Variants in GRM8 observed in about 807,000 individuals in gnomAD.
GRM8 encodes metabotropic glutamate receptor 8.
GRM8 carries 47 observed loss-of-function variants against 87.2 expected under a neutral mutation model. The ratio of observed to expected loss-of-function variants is 0.54; its 90% CI spans 0.43 to 0.69. GRM8 has a LOEUF of 0.69. Ranked by LOEUF, GRM8 falls within the 30% of genes least tolerant of loss-of-function variation. The pLI is 0.00. For synonymous variants in GRM8, 396 were observed against 404.5 expected (o/e 0.98, Z 0.25); for missense variants, 1,019 against 1,139.2 (o/e 0.89, Z 1.52).
intron 3 of GRM8, among the ~76,000 whole-genome samples, chr7:127,087,940 A>G (rs893289576): frequency 6.6e-5 from 10 of 152,362 alleles, no homozygotes; most frequent in African/African-American, 2.2e-4. Context: ...TCACAGTACA[A>G]ACAAGGCTTC....
intron 6 of GRM8, among the ~76,000 whole-genome samples, chr7:126,838,915 G>T (rs934277668): frequency 3.3e-5 from 5 of 152,136 alleles, no homozygotes; most frequent in Admixed American, 2.0e-4. Context: ...TGTACGCTTT[G>T]CCCATCGGGG....
At chr7:126,835,475 A>G (rs963086023) in intron 6 of GRM8, among the ~76,000 whole-genome samples, 1 of 152,240 alleles carries the variant, frequency 6.6e-6, no homozygotes, top group Non-Finnish European at 1.5e-5. Context: ...CTGTCAGCCA[A>G]GTTCCAAGTG....
chr7:126,891,899 T>C (rs1801049378), intron 6 of GRM8, among the ~76,000 whole-genome samples: 1 of 151,912 alleles, frequency 6.6e-6, no homozygotes, highest in Admixed American at 6.6e-5. Context: ...AATTTAATTC[T>C]TTCATTTAAT....
chr7:126,926,622 T>G (rs1325512034), intron 3 of GRM8, among the ~76,000 whole-genome samples: 1 of 152,212 alleles, frequency 6.6e-6, no homozygotes, highest in Non-Finnish European at 1.5e-5. Flanking sequence ...GTTATTTTCT[T>G]CCAGGACAAA....
At chr7:127,183,458 G>A (rs1794580590) in intron 2 of GRM8, among the ~76,000 whole-genome samples, 2 of 151,804 alleles carry the variant, frequency 1.3e-5, no homozygotes, top group Admixed American at 6.6e-5. Context: ...TGGAATCAAA[G>A]CGGAAGTCTC....
At chr7:126,967,957 T>C (rs979079519) in intron 3 of GRM8, among the ~76,000 whole-genome samples, 3 of 152,176 alleles carry the variant, frequency 2.0e-5, no homozygotes, top group Admixed American at 6.5e-5. Flanking sequence ...TGAGCACTAA[T>C]AATAAATCCC....
intron 2 of GRM8, among the ~76,000 whole-genome samples, chr7:127,187,589 C>CT (rs1286504053): frequency 6.6e-6 from 1 of 152,162 alleles, no homozygotes; most frequent in Non-Finnish European, 1.5e-5. Flanking sequence ...GCACTAACTC[C>CT]TTTGTCACAT....
At chr7:126,559,150 CTT>C (rs551929723) in intron 8 of GRM8, among the ~76,000 whole-genome samples, 34 of 121,954 alleles carry the variant, frequency 2.8e-4, no homozygotes, top group Middle Eastern at 4.8e-3. Flanking sequence ...TAATCTTTTG[CTT>C]TTTTTTTTTT....
chr7:126,816,502 G>GTTC (rs1793798104), intron 6 of GRM8, among the ~76,000 whole-genome samples: 1 of 152,080 alleles, frequency 6.6e-6, no homozygotes, highest in South Asian at 2.1e-4. Context: ...AAAATCACCA[G>GTTC]TTCTGATATT....
chr7:126,529,654 T>G (rs1169609664), intron 9 of GRM8, among the ~76,000 whole-genome samples: 3 of 152,162 alleles, frequency 2.0e-5, no homozygotes, highest in Non-Finnish European at 4.4e-5. Context: ...AGAGGCAGAG[T>G]GCTCATTGGA....
At position 126,713,238 on chromosome 7, in the gene GRM8, C is replaced by T. The variant is rs1405848664; in HGVS notation, c.1357+56627G>A. 5.3e-5 allele frequency among the ~76,000 whole-genome samples: 8 copies of T among 152,126 alleles called. No individual in the cohort carries two copies. The South Asian group carries it at 8.3e-4, about 16-fold the overall frequency. ...TAGACTACATAAAGAAAATGTGGCA[C>T]GTACACACCATGGAATACTATGCAG... On this transcript the variant is annotated intron_variant, in intron 7 of 10. Transcript: ENST00000339582.
At chr7:127,067,580 T>G (rs1009115638) in intron 3 of GRM8, among the ~76,000 whole-genome samples, 1 of 152,230 alleles carries the variant, frequency 6.6e-6, no homozygotes, top group African/African-American at 2.4e-5. Flanking sequence ...TCTCTGAGAC[T>G]GCCTATAATA....
intron 6 of GRM8, among the ~76,000 whole-genome samples, chr7:126,864,121 T>G (rs1022621982): frequency 1.2e-4 from 17 of 140,640 alleles, no homozygotes; most frequent in African/African-American, 4.4e-4. Flanking sequence ...TCCTCCTGCC[T>G]CAGCCTCCCA....
intron 2 of GRM8, among the ~76,000 whole-genome samples, chr7:127,181,825 C>T (rs748832351): frequency 2.0e-5 from 3 of 152,130 alleles, no homozygotes; most frequent in African/African-American, 7.2e-5. Context: ...TCATCTCTCA[C>T]GTTATACAAA....
At chr7:126,478,775 T>C (rs1806301289) in intron 9 of GRM8, among the ~76,000 whole-genome samples, 1 of 152,086 alleles carries the variant, frequency 6.6e-6, no homozygotes, top group Non-Finnish European at 1.5e-5. Flanking sequence ...GAACACTAAA[T>C]GGCTGTGCTA....
At chr7:126,558,194 T>C (rs946139726) in intron 8 of GRM8, among the ~76,000 whole-genome samples, 11 of 152,206 alleles carry the variant, frequency 7.2e-5, no homozygotes, top group Admixed American at 2.0e-4. Flanking sequence ...GTTAAGTACA[T>C]GTAAGTACCA....
Position 126,861,849 on chromosome 7 carries a change from A to T in GRM8, c.1156+40693T>A, listed in dbSNP as rs182002474. Among the ~76,000 whole-genome samples, 15 of 152,154 alleles carry T rather than the reference A, an allele frequency of 9.9e-5. No individual in the cohort carries two copies. In the East Asian group the frequency reaches 2.9e-3, roughly 29 times the overall value. ...ATAAAAAGACTCAAGTATATATAAC[A>T]CAATTATCATTTTTTGATCTGTAAC... On this transcript the variant is annotated intron_variant, in intron 6 of 10. Coordinates refer to ENST00000339582, the MANE Select transcript of GRM8 (RefSeq NM_000845.3).
chr7:126,860,367 A>G (rs1798046357), intron 6 of GRM8, among the ~76,000 whole-genome samples: 1 of 152,166 alleles, frequency 6.6e-6, no homozygotes, highest in African/African-American at 2.4e-5. Context: ...AAAGTCTGCT[A>G]TAGAAGCTAT....
At chr7:126,488,055 A>G (rs965137459) in intron 9 of GRM8, among the ~76,000 whole-genome samples, 6 of 152,000 alleles carry the variant, frequency 3.9e-5, no homozygotes, top group African/African-American at 9.7e-5. Flanking sequence ...TGAAGCAACC[A>G]TCATACTTTA....
Sources: allele counts gnomAD v4.1 joint callset (sites outside exome capture counted in the v4.1 genomes callset), GRCh38; gene constraint gnomAD v4.1.1; transcripts MANE v1.5; gene names NCBI Gene and HGNC (gene_info 2026-07-23, HGNC 2026-07-21).